TPBGL: variants seen among roughly 807,000 people sequenced by gnomAD.
The protein encoded by TPBGL is trophoblast glycoprotein like.
For synonymous variants in TPBGL, 380 were observed against 314.8 expected (o/e 1.21, Z -2.19); for missense variants, 685 against 609.4 (o/e 1.12, Z -1.31).
At position 75,241,158 on chromosome 11, in the gene TPBGL, C is replaced by T; in HGVS notation, c.109C>T (p.Pro37Ser). ...CPFQCYCFGG[P>S]KLLLRCASGA... ...CTTCCAGTGCTACTGCTTCGGCGGC[C>T]CCAAGCTGCTGCTGCGCTGCGCGTC... is the stretch of plus-strand genomic sequence containing the variant. The change falls in exon 1 of 1, where the codon CCC (proline) becomes TCC (serine). Residue 37 changes from proline (P) to serine (S), a missense_variant. Pro to Ser is a moderately conservative substitution (Grantham distance 74, BLOSUM62 -1). Coordinates refer to ENST00000562197, the MANE Select transcript of TPBGL (RefSeq NM_001195528.2). The T allele has an allele frequency of 6.9e-7, 1 of 1,451,804 alleles. No homozygotes were observed. Among genetic ancestry groups the T allele is most frequent in the Non-Finnish European group, 9.1e-7 (1 of 1,104,584 alleles). The allele number at this position is 1,451,804 out of a possible 1,614,324, so 89.9% of individuals were successfully genotyped here.
rs1591863964 is a variant in TPBGL, at chr11:75,242,840, G to A, written c.*642G>A. 6.8e-6 allele frequency: 1 copy of A among 147,124 alleles called. No individual in the cohort carries two copies. The highest frequency in any genetic ancestry group is 2.5e-5 in the African/African-American group (1 of 39,406). The allele number at this position is 147,124 out of a possible 1,614,324, so 9.1% of individuals were successfully genotyped here. ...GCTCAGGCATGGGGCTCAGCTCCTA[G>A]TCTGTCCCTCCCATCCCAGGGACAA... On this transcript the variant is annotated 3_prime_UTR_variant, in exon 1 of 1. Coordinates refer to ENST00000562197, the MANE Select transcript of TPBGL (RefSeq NM_001195528.2).
chr11:75,242,420 A>C lies in TPBGL; in HGVS notation c.*222A>C. 1 of 369,632 alleles carries C rather than the reference A, an allele frequency of 2.7e-6. No homozygotes were observed. Among genetic ancestry groups the C allele is most frequent in the Non-Finnish European group, 3.8e-6 (1 of 260,792 alleles). The allele number at this position is 369,632 out of a possible 1,614,324, so 22.9% of individuals were successfully genotyped here. A position where few individuals can be genotyped will look rare whatever the true frequency, so the allele number is the denominator to read the frequency against. Reference sequence around the variant, plus strand: ...CTAGTTTCCGAAACCTCCCTCCTGAACCACTGAAAGTCCGTTCCCCGTCTC... The same window carrying C: ...CTAGTTTCCGAAACCTCCCTCCTGACCCACTGAAAGTCCGTTCCCCGTCTC... On this transcript the variant is annotated 3_prime_UTR_variant, in exon 1 of 1. Transcript: ENST00000562197.
Position 75,241,612 on chromosome 11 carries a change from C to T in TPBGL, c.563C>T (p.Pro188Leu). The change falls in exon 1 of 1, where the codon CCG becomes CTG. Residue 188 changes from proline to leucine, a missense_variant. Physicochemically the swap from Pro to Leu is moderately conservative, Grantham distance 98. Coordinates refer to ENST00000562197, the MANE Select transcript of TPBGL (RefSeq NM_001195528.2). ...GLAGNALSRLPPAALRLARLE... is the reference protein window; with the variant it reads ...GLAGNALSRLLPAALRLARLE... ...GCGGGCAACGCGCTGAGCCGTCTGC[C>T]GCCAGCCGCCCTGCGCCTGGCGCGC... 7.6e-7 allele frequency: 1 copy of T among 1,315,378 alleles called. No homozygotes were observed. The highest frequency in any genetic ancestry group is 9.8e-7 in the Non-Finnish European group (1 of 1,024,550). The allele number at this position is 1,315,378 out of a possible 1,614,324, so 81.5% of individuals were successfully genotyped here.
rs1472598136 is a variant in TPBGL, at chr11:75,240,836, G to A, written c.-214G>A. 3 of 306,060 alleles carry A rather than the reference G, an allele frequency of 9.8e-6. No homozygotes were observed. Among genetic ancestry groups the A allele is most frequent in the Non-Finnish European group, 1.8e-5 (3 of 170,440 alleles). The allele number at this position is 306,060 out of a possible 1,614,324, so 19.0% of individuals were successfully genotyped here. ...GGCCGGCGCGCAGGGCGAGGGCACC[G>A]GGGGCGGGGGGCTCCGCTCCCCGTC... On this transcript the variant is annotated 5_prime_UTR_variant, in exon 1 of 1. Coordinates refer to ENST00000562197, the MANE Select transcript of TPBGL (RefSeq NM_001195528.2).
chr11:75,241,660 T>C lies in TPBGL; in HGVS notation c.611T>C (p.Leu204Pro). 1 of 1,308,706 alleles carries C rather than the reference T, an allele frequency of 7.6e-7. No homozygotes were observed. Among genetic ancestry groups the C allele is most frequent in the Non-Finnish European group, 9.8e-7 (1 of 1,023,574 alleles). 81.1% of individuals were successfully genotyped at this position (1,308,706 alleles called of 1,614,324 possible). A position where few individuals can be genotyped will look rare whatever the true frequency, so the allele number is the denominator to read the frequency against. Reference protein sequence around the residue: ...LARLEQLDVRLNALAGLDPDE... With the variant: ...LARLEQLDVRPNALAGLDPDE... Reference sequence around the variant, plus strand: ...CGCCTGGAGCAGCTGGACGTGCGCCTCAACGCGCTGGCCGGCCTGGACCCC... The same window carrying C: ...CGCCTGGAGCAGCTGGACGTGCGCCCCAACGCGCTGGCCGGCCTGGACCCC... Residue 204 changes from leucine (L) to proline (P), a missense_variant, in exon 1 of 1, where the codon CTC becomes CCC. Physicochemically the swap from Leu to Pro is moderately conservative, Grantham distance 98. Coordinates refer to ENST00000562197, the MANE Select transcript of TPBGL (RefSeq NM_001195528.2).
In TPBGL at chr11:75,241,440, C is replaced by T. The variant is rs1945597388; in HGVS notation, c.391C>T (p.Arg131Cys). The change falls in exon 1 of 1, where the codon CGC becomes TGC. Residue 131 changes from arginine (R) to cysteine (C), a missense_variant. By Grantham distance (180) the Arg-to-Cys change is radical. Transcript: ENST00000562197. ...GCTCGACCTCAGCCACAACCCGCTG[C>T]GCGCCCTGGGCGGCGGCGCCTTCCG... ...AALDLSHNPL[R>C]ALGGGAFRGL... is the part of the protein sequence containing the mutation. 2 of 1,294,564 alleles carry T rather than the reference C, an allele frequency of 1.5e-6. No individual in the cohort carries two copies. The highest frequency in any genetic ancestry group is 1.6e-5 in the African/African-American group (1 of 64,156). 80.2% of individuals were successfully genotyped at this position (1,294,564 alleles called of 1,614,324 possible).
chr11:75,241,278 G>A lies in TPBGL; in HGVS notation c.229G>A (p.Ala77Thr). 7.4e-7 allele frequency: 1 copy of A among 1,348,522 alleles called. No individual in the cohort carries two copies. The allele number at this position is 1,348,522 out of a possible 1,614,324, so 83.5% of individuals were successfully genotyped here. The change falls in exon 1 of 1, where the codon GCC becomes ACC. Residue 77 changes from alanine to threonine, a missense_variant. By Grantham distance (58) the Ala-to-Thr change is moderately conservative. Transcript: ENST00000562197. ...GANLTVLRAA[A>T]FAGGDGDGDQ... is the part of the protein sequence containing the mutation. ...CAACCTGACGGTGCTGCGCGCGGCC[G>A]CCTTCGCCGGCGGGGACGGGGACGG...
chr11:75,241,320 G>A lies in TPBGL; in HGVS notation c.271G>A (p.Val91Met), dbSNP rs1223712225. Reference sequence around the variant, plus strand: ...CGGGGACGGCGACCAGGCGGCGGGCGTGCGCCTGCCGCTCCTGAGCGCGCT... The same window carrying A: ...CGGGGACGGCGACCAGGCGGCGGGCATGCGCCTGCCGCTCCTGAGCGCGCT... Reference protein sequence around the residue: ...GDGDGDQAAGVRLPLLSALRL... With the variant: ...GDGDGDQAAGMRLPLLSALRL... Residue 91 changes from valine (V) to methionine (M), a missense_variant, in exon 1 of 1, where the codon GTG (valine) becomes ATG (methionine). Val to Met is a conservative substitution (Grantham distance 21). Coordinates refer to ENST00000562197, the MANE Select transcript of TPBGL (RefSeq NM_001195528.2). 4 of 1,346,060 alleles carry A rather than the reference G, an allele frequency of 3.0e-6. No homozygotes were observed. The highest frequency in any genetic ancestry group is 1.8e-5 in the South Asian group (1 of 55,658). The allele number at this position is 1,346,060 out of a possible 1,614,324, so 83.4% of individuals were successfully genotyped here.
rs958166501 is a variant in TPBGL at position 75,241,691 on chromosome 11, G to C, written c.642G>C (p.Glu214Asp). The C allele has an allele frequency of 1.6e-6, 2 of 1,270,500 alleles. No homozygotes were observed. Among genetic ancestry groups the C allele is most frequent in the Non-Finnish European group, 2.0e-6 (2 of 1,006,332 alleles). 78.7% of individuals were successfully genotyped at this position (1,270,500 alleles called of 1,614,324 possible). ...LNALAGLDPD[E>D]LRALERDGGL... ...CGCTGGCCGGCCTGGACCCCGACGA[G>C]CTGCGCGCGCTGGAGCGCGATGGCG... is the stretch of plus-strand genomic sequence containing the variant. The change falls in exon 1 of 1, where the codon GAG (glutamate) becomes GAC (aspartate). Residue 214 changes from glutamate to aspartate, a missense_variant. By Grantham distance (45) the Glu-to-Asp change is conservative. Transcript: ENST00000562197.
In TPBGL at chr11:75,241,938, G is replaced by A; in HGVS notation, c.889G>A (p.Ala297Thr). Residue 297 changes from alanine to threonine, a missense_variant, in exon 1 of 1, where the codon GCG (alanine) becomes ACG (threonine). Ala to Thr is a moderately conservative substitution (Grantham distance 58). Coordinates refer to ENST00000562197, the MANE Select transcript of TPBGL (RefSeq NM_001195528.2). ...DSGADARGEE[A>T]EAAGPELEAS... ...CGGCGCCGACGCTCGCGGAGAGGAGGCGGAGGCCGCCGGCCCGGAGCTGGA... is the reference window on the plus strand; with the variant it reads ...CGGCGCCGACGCTCGCGGAGAGGAGACGGAGGCCGCCGGCCCGGAGCTGGA... 1 of 1,487,222 alleles carries A rather than the reference G, an allele frequency of 6.7e-7. No homozygotes were observed. 92.1% of individuals were successfully genotyped at this position (1,487,222 alleles called of 1,614,324 possible). A position where few individuals can be genotyped will look rare whatever the true frequency, so the allele number is the denominator to read the frequency against.
rs1945610464 is a variant in TPBGL at position 75,242,625 on chromosome 11, C to T, written c.*427C>T. On this transcript the variant is annotated 3_prime_UTR_variant, in exon 1 of 1. Transcript: ENST00000562197. ...CATTCTGGACTCGAAGCACAGCACC[C>T]CCATCAGAATGGTTTTGTGGATTTT... 1 of 152,334 alleles carries T rather than the reference C, an allele frequency of 6.6e-6. No individual in the cohort carries two copies. 9.4% of individuals were successfully genotyped at this position (152,334 alleles called of 1,614,324 possible). A position where few individuals can be genotyped will look rare whatever the true frequency, so the allele number is the denominator to read the frequency against.
At position 75,241,805 on chromosome 11, in the gene TPBGL, C is replaced by T. The variant is rs1297807794; in HGVS notation, c.756C>T (p.Ala252=). The change falls in exon 1 of 1, where the codon GCC becomes GCT. Residue 252 remains alanine (A), a synonymous_variant. Coordinates refer to ENST00000562197, the MANE Select transcript of TPBGL (RefSeq NM_001195528.2). ...ARPLLAWLRN[A]TERVPDSRRL... ...CCCTGCTGGCCTGGCTGCGCAACGC[C>T]ACGGAGCGCGTGCCCGACTCGCGGC... 7.7e-7 allele frequency: 1 copy of T among 1,303,256 alleles called. No homozygotes were observed. The highest frequency in any genetic ancestry group is 3.7e-5 in the Admixed American group (1 of 26,720). 80.7% of individuals were successfully genotyped at this position (1,303,256 alleles called of 1,614,324 possible).
At position 75,241,766 on chromosome 11, in the gene TPBGL, C is replaced by T; in HGVS notation, c.717C>T (p.Gly239=). 1 of 1,305,950 alleles carries T rather than the reference C, an allele frequency of 7.7e-7. No homozygotes were observed. The highest frequency in any genetic ancestry group is 9.8e-7 in the Non-Finnish European group (1 of 1,025,520). 80.9% of individuals were successfully genotyped at this position (1,305,950 alleles called of 1,614,324 possible). A position where few individuals can be genotyped will look rare whatever the true frequency, so the allele number is the denominator to read the frequency against. ...LLLADNPLRC[G]CAARPLLAWL... Reference sequence around the variant, plus strand: ...TCGCCGACAACCCCCTGCGCTGCGGCTGTGCCGCACGCCCCCTGCTGGCCT... The same window carrying T: ...TCGCCGACAACCCCCTGCGCTGCGGTTGTGCCGCACGCCCCCTGCTGGCCT... The change falls in exon 1 of 1, where the codon GGC becomes GGT. Residue 239 remains glycine, a synonymous_variant. Coordinates refer to ENST00000562197, the MANE Select transcript of TPBGL (RefSeq NM_001195528.2).
At position 75,242,240 on chromosome 11, in the gene TPBGL, G is replaced by T. The variant is rs1945607721; in HGVS notation, c.*42G>T. 1 of 1,082,180 alleles carries T rather than the reference G, an allele frequency of 9.2e-7. No individual in the cohort carries two copies. Among genetic ancestry groups the T allele is most frequent in the Non-Finnish European group, 1.1e-6 (1 of 894,264 alleles). The allele number at this position is 1,082,180 out of a possible 1,614,324, so 67.0% of individuals were successfully genotyped here. ...CGGGGCTTCCCTTGCCTGGCCCGAA[G>T]CCGTGGAGATGAGACACCCGCGAGC... On this transcript the variant is annotated 3_prime_UTR_variant, in exon 1 of 1. Transcript: ENST00000562197.
rs944653947 is a variant in TPBGL, at chr11:75,241,745, C to T, written c.696C>T (p.Ala232=). 17 of 1,293,782 alleles carry T rather than the reference C, an allele frequency of 1.3e-5. No individual in the cohort carries two copies. Among genetic ancestry groups the T allele is most frequent in the Middle Eastern group, 6.0e-4 (2 of 3,344 alleles). The allele number at this position is 1,293,782 out of a possible 1,614,324, so 80.1% of individuals were successfully genotyped here. Residue 232 remains alanine (A), a synonymous_variant, in exon 1 of 1, where the codon GCC becomes GCT. Transcript: ENST00000562197. ...GGLPGPRLLL[A]DNPLRCGCAA... ...TCCCCGGGCCGCGCCTGCTGCTCGC[C>T]GACAACCCCCTGCGCTGCGGCTGTG...
rs1318154761 is a variant in TPBGL, at chr11:75,241,633, C to CGCGCCTGGA, written c.587_595dup (p.Arg196_Glu198dup). Reference sequence around the variant, plus strand: ...CTGCCGCCAGCCGCCCTGCGCCTGGCGCGCCTGGAGCAGCTGGACGTGCGC... The same window carrying CGCGCCTGGA: ...CTGCCGCCAGCCGCCCTGCGCCTGGCGCGCCTGGAGCGCCTGGAGCAGCTGGACGTGCGC... On this transcript the variant is annotated inframe_insertion, in exon 1 of 1. Coordinates refer to ENST00000562197, the MANE Select transcript of TPBGL (RefSeq NM_001195528.2). 16 of 1,313,592 alleles carry CGCGCCTGGA rather than the reference C, an allele frequency of 1.2e-5. No individual in the cohort carries two copies. The highest frequency in any genetic ancestry group is 1.6e-5 in the Non-Finnish European group (16 of 1,024,570). The allele number at this position is 1,313,592 out of a possible 1,614,324, so 81.4% of individuals were successfully genotyped here. A position where few individuals can be genotyped will look rare whatever the true frequency, so the allele number is the denominator to read the frequency against.
At position 75,242,612 on chromosome 11, in the gene TPBGL, G is replaced by A. The variant is rs1170512206; in HGVS notation, c.*414G>A. 3 of 152,126 alleles carry A rather than the reference G, an allele frequency of 2.0e-5. No homozygotes were observed. The highest frequency in any genetic ancestry group is 4.4e-5 in the Non-Finnish European group (3 of 68,136). The allele number at this position is 152,126 out of a possible 1,614,324, so 9.4% of individuals were successfully genotyped here. A position where few individuals can be genotyped will look rare whatever the true frequency, so the allele number is the denominator to read the frequency against. ...GGCCCTTCCATCCCATTCTGGACTC[G>A]AAGCACAGCACCCCCATCAGAATGG... On this transcript the variant is annotated 3_prime_UTR_variant, in exon 1 of 1. Coordinates refer to ENST00000562197, the MANE Select transcript of TPBGL (RefSeq NM_001195528.2).
rs1464903914 is a variant in TPBGL, at chr11:75,243,535, C to T, written c.*1337C>T. The T allele has an allele frequency of 2.0e-5, 3 of 152,178 alleles. No homozygotes were observed. Among genetic ancestry groups the T allele is most frequent in the Non-Finnish European group, 4.4e-5 (3 of 68,050 alleles). 9.4% of individuals were successfully genotyped at this position (152,178 alleles called of 1,614,324 possible). A position where few individuals can be genotyped will look rare whatever the true frequency, so the allele number is the denominator to read the frequency against. On this transcript the variant is annotated 3_prime_UTR_variant, in exon 1 of 1. Coordinates refer to ENST00000562197, the MANE Select transcript of TPBGL (RefSeq NM_001195528.2). The stretch of plus-strand genomic sequence containing the variant: ...GGGAGAGGACCCCCTCTCCCTGACT[C>T]CCCACCCTCTAGATCAGGCAGAATG...
rs1241639495 is a variant in TPBGL at position 75,241,574 on chromosome 11, C to T, written c.525C>T (p.Arg175=). The T allele has an allele frequency of 2.3e-6, 3 of 1,309,820 alleles. No individual in the cohort carries two copies. The highest frequency in any genetic ancestry group is 2.9e-6 in the Non-Finnish European group (3 of 1,021,876). 81.1% of individuals were successfully genotyped at this position (1,309,820 alleles called of 1,614,324 possible). Residue 175 remains arginine (R), a synonymous_variant, in exon 1 of 1, where the codon CGC becomes CGT. Transcript: ENST00000562197. The stretch of plus-strand genomic sequence containing the variant: ...CGCTGGCACCGCTGGCCGAGCTTCG[C>T]CTGCTGGGCCTAGCGGGCAACGCGC... ...DAALAPLAEL[R]LLGLAGNALS...
Sources: gnomAD v4.1 joint callset for allele counts on GRCh38, gnomAD v4.1.1 for gene constraint, MANE v1.5 for transcripts, NCBI Gene and HGNC (gene_info 2026-07-23, HGNC 2026-07-21) for gene names.